The following DLC1 variants were observed in gnomAD, a reference collection of about 807,000 sequenced individuals.
DLC1 encodes DLC1 Rho GTPase activating protein.
Under a neutral mutation model 140.3 loss-of-function variants are expected in DLC1, and 54 were observed. The observed-to-expected ratio is 0.38, with a 90% confidence interval of 0.31 to 0.48. The LOEUF (loss-of-function observed/expected upper bound fraction) is 0.48. Ranked by LOEUF, DLC1 falls within the 20% of genes least tolerant of loss-of-function variation. The pLI, the probability that DLC1 is intolerant of heterozygous loss-of-function variation, is 0.96. For missense variants in DLC1, 2,536 were observed against 1,907.0 expected, an observed-to-expected ratio of 1.33 and a Z score of -6.14; for synonymous variants, 986 against 728.1, an observed-to-expected ratio of 1.35 and a Z score of -5.70.
At chr8:13,551,088 T>C (rs950898282) in intron 1 of DLC1, among the ~76,000 whole-genome samples, 1 of 146,412 alleles carries the variant, frequency 6.8e-6, no homozygotes, top group African/African-American at 2.5e-5. Context: ...TTTTTTTTTT[T>C]CCAAAGAACA....
intron 1 of DLC1, among the ~76,000 whole-genome samples, chr8:13,539,108 A>G (rs1006320179): frequency 6.6e-6 from 1 of 152,202 alleles, no homozygotes; most frequent in South Asian, 2.1e-4. Flanking sequence ...ACATTTGGTC[A>G]TAATCACTTT....
At chr8:13,460,153 T>TA (rs1441682417) in intron 2 of DLC1, among the ~76,000 whole-genome samples, 1 of 152,230 alleles carries the variant, frequency 6.6e-6, no homozygotes, top group Non-Finnish European at 1.5e-5. Context: ...CCTTACCTGA[T>TA]ATGTCTTATC....
chr8:13,529,634 A>G (rs774959227), intron 1 of DLC1, among the ~76,000 whole-genome samples: 3 of 152,180 alleles, frequency 2.0e-5, no homozygotes, highest in Non-Finnish European at 4.4e-5. Context: ...CTGATCTCTT[A>G]TATTTAAGAA....
chr8:13,161,148 T>C (rs1056498510), intron 5 of DLC1, among the ~76,000 whole-genome samples: 1 of 152,140 alleles, frequency 6.6e-6, no homozygotes, highest in African/African-American at 2.4e-5. Flanking sequence ...GGTAACCTAA[T>C]CTAATTAATC....
intron 5 of DLC1, among the ~76,000 whole-genome samples, chr8:13,297,619 C>G (rs1033305043): frequency 1.1e-4 from 17 of 152,066 alleles, no homozygotes; most frequent in African/African-American, 4.1e-4. Flanking sequence ...TTAAGGTGTT[C>G]ACAGCCTAGT....
chr8:13,552,053 A>G (rs1803876958), intron 1 of DLC1, among the ~76,000 whole-genome samples: 1 of 140,286 alleles, frequency 7.1e-6, no homozygotes, highest in Non-Finnish European at 1.5e-5. Context: ...ATATATATAT[A>G]CACATATATA....
At chr8:13,139,733 C>T (rs1294241136) in intron 5 of DLC1, among the ~76,000 whole-genome samples, 2 of 152,248 alleles carry the variant, frequency 1.3e-5, no homozygotes, top group Non-Finnish European at 2.9e-5. Flanking sequence ...CCAGCCCCAA[C>T]ATCCATTTGG....
At chr8:13,383,586 C>G (rs572068692) in intron 4 of DLC1, among the ~76,000 whole-genome samples, 1 of 152,222 alleles carries the variant, frequency 6.6e-6, no homozygotes, top group African/African-American at 2.4e-5. Flanking sequence ...CAAGTTGCCA[C>G]CCAATAATTC....
chr8:13,159,356 A>G (rs1411616637), intron 5 of DLC1, among the ~76,000 whole-genome samples: 1 of 152,166 alleles, frequency 6.6e-6, no homozygotes, highest in Non-Finnish European at 1.5e-5. Context: ...CAGCCACCCC[A>G]GAGGCTCAGT....
In DLC1 at chr8:13,143,813, T is replaced by TGAGAGAGAGAGAGAGA. The variant is rs35079610; in HGVS notation, c.1349-28172_1349-28157dup. On this transcript the variant is annotated intron_variant, in intron 5 of 17. Coordinates refer to ENST00000276297, the MANE Select transcript of DLC1 (RefSeq NM_182643.3). Reference sequence around the variant, plus strand: ...GATGTTGAAAGACCAAATGAAAAGCTGAGAGAGAGAGAGAGAGAGAGAGAG... The same window carrying TGAGAGAGAGAGAGAGA: ...GATGTTGAAAGACCAAATGAAAAGCTGAGAGAGAGAGAGAGAGAGAGAGAGAGAGAGAGAGAGAGAG... Among the ~76,000 whole-genome samples the TGAGAGAGAGAGAGAGA allele has an allele frequency of 9.1e-3, 1,166 of 128,594 alleles. 26 individuals carry two copies. Among genetic ancestry groups the TGAGAGAGAGAGAGAGA allele is most frequent in the African/African-American group, 0.017 (551 of 32,098 alleles). The allele number at this position is 128,594 out of a possible 152,430, so 84.4% of individuals were successfully genotyped here.
rs764803214 is a variant in DLC1, at chr8:13,102,873, C to T, written c.1503-20G>A. 8.7e-6 allele frequency: 14 copies of T among 1,610,056 alleles called. No homozygotes were observed. The highest frequency in any genetic ancestry group is 6.7e-5 in the South Asian group (6 of 90,008). On this transcript the variant is annotated intron_variant, in intron 7 of 17. Coordinates refer to ENST00000276297, the MANE Select transcript of DLC1 (RefSeq NM_182643.3). ...AGACGCCTATAGAGCAAAGAAATAA[C>T]GTTAGCAAAGATAGGCAACCACTCT...
chr8:13,567,305 C>T (rs2117399056), intron 1 of DLC1: 1 of 1,551,738 alleles, frequency 6.4e-7, no homozygotes, highest in East Asian at 2.4e-5. Flanking sequence ...CAACCAGACA[C>T]CAAACTTCCA....
intron 5 of DLC1, among the ~76,000 whole-genome samples, chr8:13,250,851 A>T (rs10503441): frequency 0.012 from 1,897 of 152,276 alleles, 43 homozygotes; most frequent in African/African-American, 0.04. Flanking sequence ...ATTTCATAAG[A>T]GTGAGGATAT....
Position 13,295,946 on chromosome 8 carries a change from T to TTG in DLC1, c.1348+9322_1348+9323insCA, listed in dbSNP as rs1223625685. Among the ~76,000 whole-genome samples, 26 of 115,606 alleles carry TTG rather than the reference T, an allele frequency of 2.2e-4. 1 individual carries two copies. In the South Asian group the frequency reaches 3.7e-3, roughly 17 times the overall value. The allele number at this position is 115,606 out of a possible 152,430, so 75.8% of individuals were successfully genotyped here. ...GATGATCAGATAAGATTCTTTGTTT[T>TTG]TTTTTTTTTTTTTTTTTTTTTTTGG... On this transcript the variant is annotated intron_variant, in intron 5 of 17. Transcript: ENST00000276297.
At chr8:13,542,404 A>G (rs989645929) in intron 1 of DLC1, among the ~76,000 whole-genome samples, 8 of 152,212 alleles carry the variant, frequency 5.3e-5, no homozygotes, top group Admixed American at 3.9e-4. Flanking sequence ...CCATTGGTCT[A>G]TAGATCTGTC....
chr8:13,530,749 G>A (rs1803069499), intron 1 of DLC1, among the ~76,000 whole-genome samples: 1 of 152,228 alleles, frequency 6.6e-6, no homozygotes, highest in African/African-American at 2.4e-5. Flanking sequence ...GGAAGAGTGT[G>A]TTCTGTCAAG....
intron 5 of DLC1, among the ~76,000 whole-genome samples, chr8:13,223,342 A>G (rs1344554565): frequency 6.6e-6 from 1 of 152,224 alleles, no homozygotes; most frequent in Non-Finnish European, 1.5e-5. Flanking sequence ...CTTCGCACGT[A>G]ATCTAGCTGT....
chr8:13,499,943 A>G lies in DLC1; in HGVS notation c.129T>C (p.Ser43=), dbSNP rs191623242. ...CATTTAGAGTTGCATCTTTTTCCAT[A>G]CTTGCCTGCAAGCTGTCAGCTACTA... ...HGLVADSLQA[S]MEKDATLNVD... Residue 43 remains serine (S), a synonymous_variant, in exon 2 of 18, where the codon AGT becomes AGC. Transcript: ENST00000276297. 6 of 1,614,074 alleles carry G rather than the reference A, an allele frequency of 3.7e-6. No individual in the cohort carries two copies. The Middle Eastern group carries it at 6.6e-4, about 178-fold the overall frequency.
intron 2 of DLC1, among the ~76,000 whole-genome samples, chr8:13,421,733 C>T (rs1020357783): frequency 6.6e-6 from 1 of 152,182 alleles, no homozygotes; most frequent in African/African-American, 2.4e-5. Context: ...CTCCAATTCC[C>T]TGAGATCATT....
Sources: allele counts gnomAD v4.1 joint callset (sites outside exome capture counted in the v4.1 genomes callset), GRCh38; gene constraint gnomAD v4.1.1; transcripts MANE v1.5; gene names NCBI Gene and HGNC (gene_info 2026-07-23, HGNC 2026-07-21).